The following CAST variants were observed in gnomAD, a reference collection of about 807,000 sequenced individuals.
The protein encoded by CAST is calpastatin, also known as MIR583 host.
In CAST, 76 loss-of-function variants were observed where a neutral mutation model predicts 119.6. That is an observed-to-expected ratio of 0.64 (90% CI 0.53 to 0.77). The LOEUF is 0.77. CAST is among the 30% of genes least tolerant of loss of function. The pLI is 0.00. For synonymous variants in CAST, 319 were observed against 331.6 expected, an observed-to-expected ratio of 0.96 and a Z score of 0.41; for missense variants, 953 against 946.5, an observed-to-expected ratio of 1.01 and a Z score of -0.09.
chr5:96,290,799 G>A, the CAST span, among the ~76,000 whole-genome samples: 2 of 152,186 alleles, frequency 1.3e-5, no homozygotes, highest in East Asian at 1.9e-4. Flanking sequence ...GCAAGCTGTG[G>A]TAGCCAGCCT....
chr5:96,767,767 T>C (rs1462222866), intron 28 of CAST, 140 bp from the exon 29 acceptor site: 1 of 634,588 alleles, frequency 1.6e-6, no homozygotes, highest in Non-Finnish European at 2.8e-6. Flanking sequence ...TCCTTTACAA[T>C]ACATTATTAT....
chr5:96,093,303 G>C, the CAST span, among the ~76,000 whole-genome samples: 1 of 152,116 alleles, frequency 6.6e-6, no homozygotes, highest in Non-Finnish European at 1.5e-5. Flanking sequence ...ACAGTACATG[G>C]TACAGAGAAA....
chr5:96,153,414 C>T, the CAST span, among the ~76,000 whole-genome samples: 1 of 152,194 alleles, frequency 6.6e-6, no homozygotes, highest in African/African-American at 2.4e-5. Context: ...TAGGCCCTGT[C>T]CTGGACCTAG....
At chr5:96,675,126 T>C (rs920960472) in intron 1 of CAST, among the ~76,000 whole-genome samples, 1 of 152,220 alleles carries the variant, frequency 6.6e-6, no homozygotes, top group African/African-American at 2.4e-5. Flanking sequence ...GGAAGAACTC[T>C]AGGGAATTCC....
At chr5:96,291,150 A>G in the CAST span, among the ~76,000 whole-genome samples, 1 of 152,222 alleles carries the variant, frequency 6.6e-6, no homozygotes, top group Non-Finnish European at 1.5e-5. Context: ...CTGTAGTCTC[A>G]GCTGAAATCT....
At chr5:95,970,977 C>T in the CAST span, among the ~76,000 whole-genome samples, 1 of 152,084 alleles carries the variant, frequency 6.6e-6, no homozygotes, top group African/African-American at 2.4e-5. Context: ...GGGGATTATC[C>T]ACATTTCTCA....
At chr5:96,739,388 A>G (rs1762251187) in intron 11 of CAST, among the ~76,000 whole-genome samples, 1 of 152,260 alleles carries the variant, frequency 6.6e-6, no homozygotes, top group Admixed American at 6.5e-5. Flanking sequence ...AGTGGTTAAA[A>G]TGGATTATTC....
intron 2 of CAST, among the ~76,000 whole-genome samples, chr5:96,677,137 C>T (rs1468052886): frequency 6.6e-6 from 1 of 152,054 alleles, no homozygotes; most frequent in Non-Finnish European, 1.5e-5. Flanking sequence ...AGTTATTTAT[C>T]AAATTAATAT....
chr5:96,765,993 T>C (rs935718883), intron 26 of CAST, 60 bp from the exon 27 acceptor site: 1 of 935,746 alleles, frequency 1.1e-6, no homozygotes. Context: ...CATTTGACAA[T>C]GTATTTTCTA....
At chr5:96,205,396 T>C in the CAST span, among the ~76,000 whole-genome samples, 1 of 152,108 alleles carries the variant, frequency 6.6e-6, no homozygotes, top group Non-Finnish European at 1.5e-5. Flanking sequence ...GGGAGGGTAG[T>C]GTACATATGA....
intron 17 of CAST, 102 bp from the exon 18 acceptor site, chr5:96,747,243 T>C (rs1270918870): frequency 2.9e-6 from 2 of 680,032 alleles, no homozygotes; most frequent in Non-Finnish European, 2.6e-6. Flanking sequence ...AGAAAAAAAT[T>C]AGCTGACATT....
intron 1 of CAST, among the ~76,000 whole-genome samples, chr5:96,626,438 C>T (rs1233884940): frequency 6.6e-6 from 1 of 152,186 alleles, no homozygotes; most frequent in African/African-American, 2.4e-5. Flanking sequence ...CTGGATGCTG[C>T]TCCACCCTCC....
At chr5:96,113,282 G>A in the CAST span, among the ~76,000 whole-genome samples, 1 of 152,132 alleles carries the variant, frequency 6.6e-6, no homozygotes, top group Admixed American at 6.5e-5. Flanking sequence ...GTAATCCTTG[G>A]CATGCAGGCC....
chr5:96,763,707 C>A (rs1011790683), intron 25 of CAST, among the ~76,000 whole-genome samples: 1 of 152,076 alleles, frequency 6.6e-6, no homozygotes, highest in Non-Finnish European at 1.5e-5. Flanking sequence ...TGATAATTCA[C>A]GGGAGCTTTC....
the CAST span, among the ~76,000 whole-genome samples, chr5:96,176,060 G>A: frequency 1.3e-5 from 2 of 152,182 alleles, no homozygotes; most frequent in Non-Finnish European, 2.9e-5. Flanking sequence ...TGGAGGCTAG[G>A]TAAGGCTTTC....
the CAST span, among the ~76,000 whole-genome samples, chr5:96,051,618 G>GT: frequency 6.6e-6 from 1 of 152,066 alleles, no homozygotes; most frequent in South Asian, 2.1e-4. Flanking sequence ...GGCAGAGGAG[G>GT]GGGAGAGAAA....
chr5:95,978,207 C>CT, the CAST span, among the ~76,000 whole-genome samples: 1 of 152,134 alleles, frequency 6.6e-6, no homozygotes, highest in Non-Finnish European at 1.5e-5. Context: ...GTTTCTAGCT[C>CT]TTTGAGGAAT....
At chr5:96,283,582 T>C in the CAST span, among the ~76,000 whole-genome samples, 1 of 152,172 alleles carries the variant, frequency 6.6e-6, no homozygotes, top group Admixed American at 6.5e-5. Context: ...CTGATGAACA[T>C]TCTTAGCATC....
chr5:96,398,075 G>T, the CAST span, among the ~76,000 whole-genome samples: 1 of 152,062 alleles, frequency 6.6e-6, no homozygotes, highest in African/African-American at 2.4e-5. Flanking sequence ...GTTCTATGTG[G>T]AAGGGTTAAA....
Sources: gnomAD v4.1 joint callset for allele counts (sites outside exome capture counted in the v4.1 genomes callset) on GRCh38, gnomAD v4.1.1 for gene constraint, MANE v1.5 for transcripts, NCBI Gene and HGNC (gene_info 2026-07-23, HGNC 2026-07-21) for gene names.